ALG14: variants seen among roughly 807,000 people sequenced by gnomAD.
ALG14 encodes the protein UDP-N-acetylglucosamine transferase subunit ALG14.
Under a neutral mutation model 22.8 loss-of-function variants are expected in ALG14, and 17 were observed. The observed-to-expected ratio is 0.75, with a 90% CI of 0.51 to 1.12. ALG14 has a LOEUF of 1.12. Among genes scored for constraint, ALG14 ranks in the 50% most tolerant of loss-of-function variants. The pLI, the probability that ALG14 is intolerant of heterozygous loss-of-function variation, is 0.00. For synonymous variants in ALG14, 89 were observed against 103.7 expected (o/e 0.86, Z 0.86); for missense variants, 288 against 271.8 (o/e 1.06, Z -0.42).
chr1:95,070,223 T>C (rs756248089), intron 1 of ALG14, among the ~76,000 whole-genome samples: 29 of 152,186 alleles, frequency 1.9e-4, no homozygotes, highest in Non-Finnish European at 3.7e-4. Context: ...AGCATTAAAT[T>C]ATACCCTTTT....
intron 1 of ALG14, among the ~76,000 whole-genome samples, chr1:95,071,828 T>C (rs1571691169): frequency 6.6e-6 from 1 of 152,354 alleles, no homozygotes; most frequent in East Asian, 1.9e-4. Flanking sequence ...CAATTTGTAC[T>C]TCTTACACAA....
At chr1:95,021,311 T>A (rs1423132546) in intron 3 of ALG14, among the ~76,000 whole-genome samples, 1 of 152,174 alleles carries the variant, frequency 6.6e-6, no homozygotes, top group Non-Finnish European at 1.5e-5. Context: ...ACTGCCAAGA[T>A]GAGTAATACA....
chr1:95,015,536 G>T (rs771508356), intron 3 of ALG14, among the ~76,000 whole-genome samples: 4 of 152,216 alleles, frequency 2.6e-5, no homozygotes, highest in Non-Finnish European at 4.4e-5. Flanking sequence ...AGCCTCAGAA[G>T]AAGCCTCAAG....
chr1:95,008,849 A>G (rs1673287953), intron 3 of ALG14, among the ~76,000 whole-genome samples: 1 of 152,034 alleles, frequency 6.6e-6, no homozygotes, highest in South Asian at 2.1e-4. Context: ...AGCCCCTGGT[A>G]ATGTCTATTC....
Position 95,027,201 on chromosome 1 carries a change from G to C in ALG14, c.348C>G (p.Pro116=). ...AGTGCAAGGTGGTGAAAACGGTGGA[G>C]GGCCAGGACTGCTGAACCTCCCGGC... ...PRSREVQQSW[P]STVFTTLHSM... Residue 116 remains proline, a synonymous_variant, in exon 3 of 4, where the codon CCC becomes CCG. Transcript: ENST00000370205. The C allele has an allele frequency of 6.2e-7, 1 of 1,614,134 alleles. No homozygotes were observed. The highest frequency in any genetic ancestry group is 8.5e-7 in the Non-Finnish European group (1 of 1,180,012).
At chr1:95,048,101 A>G (rs940682998) in intron 2 of ALG14, among the ~76,000 whole-genome samples, 3 of 152,242 alleles carry the variant, frequency 2.0e-5, no homozygotes, top group Non-Finnish European at 2.9e-5. Context: ...AGATTTGCTG[A>G]AATTTCCACT....
rs1327269263 is a variant in ALG14 at position 94,977,586 on chromosome 1, G to A, written c.*5490C>T. The A allele has an allele frequency of 1.3e-5, 2 of 152,004 alleles. No individual in the cohort carries two copies. Among genetic ancestry groups the A allele is most frequent in the Non-Finnish European group, 1.5e-5 (1 of 68,006 alleles). The allele number at this position is 152,004 out of a possible 1,614,324, so 9.4% of individuals were successfully genotyped here. A position where few individuals can be genotyped will look rare whatever the true frequency, so the allele number is the denominator to read the frequency against. On this transcript the variant is annotated 3_prime_UTR_variant, in exon 4 of 4. Coordinates refer to ENST00000370205, the MANE Select transcript of ALG14 (RefSeq NM_144988.4). ...TTATATTCTTGCGTTTAAAATTTTT[G>A]TCTAGTTTCTACAATGGTAAATATT...
chr1:95,059,397 CAA>C (rs67569341), intron 2 of ALG14, among the ~76,000 whole-genome samples: 1,218 of 78,494 alleles, frequency 0.016, 8 homozygotes, highest in African/African-American at 0.066. Context: ...GACTCTGTCT[CAA>C]AAAAAAAAAA....
intron 2 of ALG14, among the ~76,000 whole-genome samples, chr1:95,033,430 C>CAG (rs2100782792): frequency 6.6e-6 from 1 of 150,608 alleles, no homozygotes; most frequent in Admixed American, 6.7e-5. Context: ...TACACACACA[C>CAG]ACACACACAC....
chr1:95,050,754 A>G (rs1488129652), intron 2 of ALG14, among the ~76,000 whole-genome samples: 1 of 152,138 alleles, frequency 6.6e-6, no homozygotes, highest in Non-Finnish European at 1.5e-5. Flanking sequence ...TTGATAGCTG[A>G]TATTTCCAAG....
At chr1:94,998,527 C>T (rs1672966217) in intron 3 of ALG14, among the ~76,000 whole-genome samples, 2 of 152,306 alleles carry the variant, frequency 1.3e-5, no homozygotes, top group East Asian at 1.9e-4. Context: ...ATAACTACCA[C>T]CAGCTTATCA....
At chr1:95,018,431 G>A (rs957698080) in intron 3 of ALG14, among the ~76,000 whole-genome samples, 3 of 152,066 alleles carry the variant, frequency 2.0e-5, no homozygotes, top group African/African-American at 7.2e-5. Flanking sequence ...TGCTACTCGG[G>A]AGGTTGAGGC....
intron 1 of ALG14, chr1:95,067,050 CT>C (rs992215388): frequency 6.6e-6 from 1 of 151,846 alleles, no homozygotes; most frequent in African/African-American, 2.4e-5. Flanking sequence ...TAAGGAAACC[CT>C]CATTGAATAC....
In ALG14 at chr1:94,983,128, G is replaced by T. The variant is rs1014644772; in HGVS notation, c.599C>A (p.Pro200Gln). 8.7e-6 allele frequency: 14 copies of T among 1,613,936 alleles called. No homozygotes were observed. The African/African-American group carries it at 1.9e-4, about 22-fold the overall frequency. The change falls in exon 4 of 4, where the codon CCG becomes CAG. Residue 200 changes from proline to glutamine, a missense_variant. Pro to Gln is a moderately conservative substitution (Grantham distance 76, BLOSUM62 -1). Transcript: ENST00000370205. ...TTTGGGATACTTTTCTTTCAGAGCC[G>T]GCCACTGAACAATGAAGTAATCTGA... Reference protein sequence around the residue: ...HLSDYFIVQWPALKEKYPKSV... With the variant: ...HLSDYFIVQWQALKEKYPKSV...
chr1:94,983,371 T>G, intron 3 of ALG14, 65 bp from the exon 4 acceptor site: 1 of 1,351,660 alleles, frequency 7.4e-7, no homozygotes, highest in Non-Finnish European at 1.0e-6. Context: ...GCATTTTGCA[T>G]TAAGAACAGC....
At chr1:95,039,194 T>C (rs1674304954) in intron 2 of ALG14, among the ~76,000 whole-genome samples, 1 of 152,124 alleles carries the variant, frequency 6.6e-6, no homozygotes, top group African/African-American at 2.4e-5. Context: ...GCATGGAATA[T>C]CTGGGGAACT....
At chr1:95,068,796 C>T (rs1049991676) in intron 1 of ALG14, among the ~76,000 whole-genome samples, 6 of 152,136 alleles carry the variant, frequency 3.9e-5, no homozygotes, top group African/African-American at 1.4e-4. Flanking sequence ...CACCATTTGC[C>T]AGGTGAATTA....
chr1:95,027,373 T>C (rs1673854336), intron 2 of ALG14, 113 bp from the exon 3 acceptor site: 2 of 1,248,122 alleles, frequency 1.6e-6, no homozygotes, highest in African/African-American at 1.5e-5. Flanking sequence ...TAAATTTTCA[T>C]TCTAACCACT....
At chr1:95,049,590 G>A (rs1436529480) in intron 2 of ALG14, among the ~76,000 whole-genome samples, 2 of 151,980 alleles carry the variant, frequency 1.3e-5, no homozygotes, top group East Asian at 1.9e-4. Flanking sequence ...TAAGGGCAAG[G>A]TAAAAAATAC....
Sources: gnomAD v4.1 joint callset for allele counts (sites outside exome capture counted in the v4.1 genomes callset) on GRCh38, gnomAD v4.1.1 for gene constraint, MANE v1.5 for transcripts, NCBI Gene and HGNC (gene_info 2026-07-23, HGNC 2026-07-21) for gene names.